PGS1: variants seen among roughly 807,000 people sequenced by gnomAD.
The protein encoded by PGS1 is phosphatidylglycerophosphate synthase 1, also known as CDP-diacylglycerol--glycerol-3-phosphate 3-phosphatidyltransferase, mitochondrial.
Under a neutral mutation model 58.3 loss-of-function variants are expected in PGS1, and 44 were observed. That is an observed-to-expected ratio of 0.75 (90% CI 0.59 to 0.97). PGS1 has a LOEUF of 0.97. PGS1 is among the 50% of genes least tolerant of loss of function. PGS1 has a pLI of 0.00. For synonymous variants in PGS1, 330 were observed against 311.0 expected (o/e 1.06, Z -0.64); for missense variants, 684 against 731.1 (o/e 0.94, Z 0.74).
Position 78,380,637 on chromosome 17 carries a change from AT to A in PGS1, c.143+1832del, listed in dbSNP as rs147059336. 5.2e-3 allele frequency among the ~76,000 whole-genome samples: 799 copies of A among 152,276 alleles called. 4 individuals carry two copies. Among genetic ancestry groups the A allele is most frequent in the African/African-American group, 0.018 (741 of 41,550 alleles). On this transcript the variant is annotated intron_variant, in intron 1 of 9. Coordinates refer to ENST00000262764, the MANE Select transcript of PGS1 (RefSeq NM_024419.5). ...TACGTCCTGGCATCAAACCACTGAG[AT>A]TTGGTTTACAGTTTCAAAAAAATGT...
intron 9 of PGS1, among the ~76,000 whole-genome samples, chr17:78,422,484 C>T (rs566276082): frequency 1.6e-5 from 2 of 125,032 alleles, no homozygotes; most frequent in Non-Finnish European, 3.7e-5. Context: ...AACGATATTC[C>T]TAATGGGTGT....
intron 3 of PGS1, 65 bp from the exon 4 acceptor site, chr17:78,398,187 G>A: frequency 8.1e-7 from 1 of 1,230,818 alleles, no homozygotes; most frequent in Non-Finnish European, 1.2e-6. Flanking sequence ...GGGGCGATTT[G>A]TTTTTCTTTA....
chr17:78,392,562 T>C lies in PGS1; in HGVS notation c.230T>C (p.Val77Ala). ...CCTTGCTGCCTGTGTCCAGAAGGCG[T>C]GCACCGGTTCCAGTGGATCAGAAAC... ...SPPCCLCPEG[V>A]HRFQWIRNLV... Residue 77 changes from valine to alanine, a missense_variant, in exon 2 of 10, where the codon GTG becomes GCG. Val to Ala is a moderately conservative substitution (Grantham distance 64, BLOSUM62 0). Coordinates refer to ENST00000262764, the MANE Select transcript of PGS1 (RefSeq NM_024419.5). 2 of 1,614,192 alleles carry C rather than the reference T, an allele frequency of 1.2e-6. No individual in the cohort carries two copies. Among genetic ancestry groups the C allele is most frequent in the South Asian group, 1.1e-5 (1 of 91,088 alleles).
At chr17:78,382,161 C>T (rs1361999275) in intron 1 of PGS1, among the ~76,000 whole-genome samples, 4 of 151,920 alleles carry the variant, frequency 2.6e-5, no homozygotes, top group East Asian at 3.9e-4. Flanking sequence ...TGGACTGCAG[C>T]GAAAGGCAAT....
rs2086331568 is a variant in PGS1 at position 78,424,577 on chromosome 17, C to T, written c.*527C>T. On this transcript the variant is annotated 3_prime_UTR_variant, in exon 10 of 10. Transcript: ENST00000262764. ...CATATAAATATTGCCTTTAACCAGA[C>T]TGCTATTATTTCTACTCGCCCTATT... 1 of 159,778 alleles carries T rather than the reference C, an allele frequency of 6.3e-6. No homozygotes were observed. Among genetic ancestry groups the T allele is most frequent in the Non-Finnish European group, 1.4e-5 (1 of 73,124 alleles). The allele number at this position is 159,778 out of a possible 1,614,324, so 9.9% of individuals were successfully genotyped here. A position where few individuals can be genotyped will look rare whatever the true frequency, so the allele number is the denominator to read the frequency against.
At position 78,419,592 on chromosome 17, in the gene PGS1, C is replaced by A. The variant is rs147171558; in HGVS notation, c.1598C>A (p.Thr533Asn). The part of the protein sequence containing the change: ...YLRSGVVSSA[T>N]FEQPSRQVKL... ...AGGTCAGGTGTGGTGTCCTCTGCCA[C>A]CTTCGAGCAGCCGAGTCGCCAGGTG... is the stretch of plus-strand genomic sequence containing the variant. Residue 533 changes from threonine (T) to asparagine (N), a missense_variant, in exon 9 of 10, where the codon ACC (threonine) becomes AAC (asparagine). By Grantham distance (65) the Thr-to-Asn change is moderately conservative. Coordinates refer to ENST00000262764, the MANE Select transcript of PGS1 (RefSeq NM_024419.5). The A allele has an allele frequency of 5.6e-6, 9 of 1,614,106 alleles. 1 individual carries two copies. In the South Asian group the frequency reaches 8.8e-5, roughly 16 times the overall value.
At chr17:78,420,746 G>C (rs1452976268) in intron 9 of PGS1, 2 of 152,186 alleles carry the variant, frequency 1.3e-5, no homozygotes, top group East Asian at 1.9e-4. Context: ...TGAATAGTGT[G>C]TGCAAATGTA....
In PGS1 at chr17:78,406,433, C is replaced by A. The variant is rs1335088914; in HGVS notation, c.1402+2344C>A. On this transcript the variant is annotated intron_variant, in intron 7 of 9. Transcript: ENST00000262764. ...CCCCTAGGAGATTCTGATGCCTAGC[C>A]TAGCCTTAAGAACCACTGTCCCAGC... Among the ~76,000 whole-genome samples the A allele has an allele frequency of 2.0e-5, 3 of 152,258 alleles. No homozygotes were observed. The South Asian group carries it at 6.2e-4, about 31-fold the overall frequency.
intron 9 of PGS1, chr17:78,420,023 T>G: frequency 8.7e-7 from 1 of 1,143,182 alleles, no homozygotes; most frequent in Non-Finnish European, 1.1e-6. Context: ...GAAAGGCAGA[T>G]TGAGCCCCTC....
At chr17:78,401,128 G>C (rs754536744) in intron 6 of PGS1, among the ~76,000 whole-genome samples, 63 of 152,126 alleles carry the variant, frequency 4.1e-4, no homozygotes, top group Non-Finnish European at 1.0e-4. Context: ...AGGGAGGGAA[G>C]ACGCAGGTGA....
At chr17:78,396,497 C>T (rs746105291) in intron 3 of PGS1, 112 bp downstream of exon 3, 22 of 740,852 alleles carry the variant, frequency 3.0e-5, no homozygotes, top group Non-Finnish European at 5.0e-5. Flanking sequence ...GCCTCCATGT[C>T]AGAGCCAGCT....
At chr17:78,393,555 C>T (rs1222248612) in intron 2 of PGS1, among the ~76,000 whole-genome samples, 1 of 152,128 alleles carries the variant, frequency 6.6e-6, no homozygotes, top group Non-Finnish European at 1.5e-5. Context: ...TCTCCAAACA[C>T]AGTAGTGTCA....
At chr17:78,384,980 G>A (rs906931022) in intron 1 of PGS1, among the ~76,000 whole-genome samples, 3 of 152,242 alleles carry the variant, frequency 2.0e-5, no homozygotes, top group Non-Finnish European at 4.4e-5. Flanking sequence ...GCCTCCAGGC[G>A]CTGTTGACAC....
chr17:78,392,121 A>T (rs4969178), intron 1 of PGS1, among the ~76,000 whole-genome samples: 2 of 151,946 alleles, frequency 1.3e-5, no homozygotes, highest in Non-Finnish European at 1.5e-5. Context: ...GAACGTTGCC[A>T]TGTGGTAGCT....
At chr17:78,419,939 T>TA (rs1190944742) in intron 9 of PGS1, 1 of 1,213,738 alleles carries the variant, frequency 8.2e-7, no homozygotes, top group Admixed American at 3.6e-5. Flanking sequence ...TGGCAGCCTG[T>TA]AGTCCCCTTC....
intron 1 of PGS1, among the ~76,000 whole-genome samples, chr17:78,387,148 C>T (rs554891531): frequency 8.9e-4 from 136 of 152,126 alleles, no homozygotes; most frequent in Non-Finnish European, 1.7e-3. Context: ...GGACTATAGG[C>T]GTGCGCCACC....
chr17:78,392,382 C>T, intron 1 of PGS1, 94 bp from the exon 2 acceptor site: 2 of 833,060 alleles, frequency 2.4e-6, no homozygotes, highest in South Asian at 3.7e-5. Context: ...ACCCATCTCC[C>T]AGCCCCTCTT....
chr17:78,407,308 G>A (rs1041524824), intron 7 of PGS1, among the ~76,000 whole-genome samples: 2 of 152,166 alleles, frequency 1.3e-5, no homozygotes, highest in South Asian at 4.1e-4. Context: ...AGTGAGAGGC[G>A]AGGGTCCTTC....
At chr17:78,414,845 C>T (rs1312860870) in intron 7 of PGS1, 34 bp from the exon 8 acceptor site, 16 of 1,610,480 alleles carry the variant, frequency 9.9e-6, no homozygotes, top group Non-Finnish European at 1.4e-5. Context: ...ATGCTGTGCT[C>T]ATTTCCTGTC....
Sources: allele counts gnomAD v4.1 joint callset (sites outside exome capture counted in the v4.1 genomes callset), GRCh38; gene constraint gnomAD v4.1.1; transcripts MANE v1.5; gene names NCBI Gene and HGNC (gene_info 2026-07-23, HGNC 2026-07-21).